Variants in TBC1D30 observed in about 807,000 individuals in gnomAD.
TBC1D30 encodes TBC1 domain family, member 30.
A neutral mutation model predicts 63.2 loss-of-function variants in TBC1D30; 31 were observed. The observed-to-expected ratio is 0.49, with a 90% CI of 0.37 to 0.66. The LOEUF is 0.66. Among genes scored for constraint, TBC1D30 ranks in the 30% least tolerant of loss-of-function variants. The pLI is 0.00. For synonymous variants in TBC1D30, 307 were observed against 361.5 expected, an observed-to-expected ratio of 0.85 and a Z score of 1.71; for missense variants, 810 against 953.6, an observed-to-expected ratio of 0.85 and a Z score of 1.98.
intron 2 of TBC1D30, among the ~76,000 whole-genome samples, chr12:64,814,431 T>A (rs1398036723): frequency 2.0e-5 from 3 of 152,028 alleles, no homozygotes; most frequent in Non-Finnish European, 2.9e-5. Context: ...TAAAAAAAAA[T>A]TTACTGGGAG....
At chr12:64,775,960 A>C (rs1871066862), upstream of TBC1D30, among the ~76,000 whole-genome samples, 2 of 151,332 alleles carry the variant, frequency 1.3e-5, no homozygotes, top group Non-Finnish European at 2.9e-5. Context: ...TTAGAACTCA[A>C]GATTAGGAAA....
At chr12:64,868,124 A>G in intron 10 of TBC1D30, 1 of 170,822 alleles carries the variant, frequency 5.9e-6, no homozygotes, top group East Asian at 1.6e-4. Flanking sequence ...TATAGATCTC[A>G]TGAATCAGAT....
chr12:64,874,436 C>A (rs965572261), intron 11 of TBC1D30, among the ~76,000 whole-genome samples: 1 of 152,134 alleles, frequency 6.6e-6, no homozygotes, highest in Non-Finnish European at 1.5e-5. Context: ...CTTTCGAAGT[C>A]CATTGAGGAC....
chr12:64,835,489 C>A (rs1405970641), intron 5 of TBC1D30, among the ~76,000 whole-genome samples: 1 of 151,990 alleles, frequency 6.6e-6, no homozygotes, highest in African/African-American at 2.4e-5. Context: ...ATATATAGAA[C>A]CAGTTATGAT....
At chr12:64,860,532 A>T (rs1429606519) in intron 8 of TBC1D30, among the ~76,000 whole-genome samples, 1 of 151,950 alleles carries the variant, frequency 6.6e-6, no homozygotes, top group South Asian at 2.1e-4. Flanking sequence ...CATCTAGCCT[A>T]GTGTGAATAA....
rs1388172611 is a variant in TBC1D30 at position 64,876,666 on chromosome 12, C to G, written c.*878C>G. On this transcript the variant is annotated 3_prime_UTR_variant, in exon 12 of 12. Coordinates refer to ENST00000539867, the MANE Select transcript of TBC1D30 (RefSeq NM_015279.2). ...ACCCACCAGCTCTAGACTGCAGACG[C>G]ACAAGGCCTCTGCTCAGAAGCCAGA... The G allele has an allele frequency of 1.7e-5, 7 of 407,018 alleles. No homozygotes were observed. The highest frequency in any genetic ancestry group is 1.0e-4 in the Admixed American group (4 of 38,942). 25.2% of individuals were successfully genotyped at this position (407,018 alleles called of 1,614,324 possible). A position where few individuals can be genotyped will look rare whatever the true frequency, so the allele number is the denominator to read the frequency against.
chr12:64,804,936 C>A (rs1259733454), intron 2 of TBC1D30, among the ~76,000 whole-genome samples: 1 of 152,166 alleles, frequency 6.6e-6, no homozygotes, highest in African/African-American at 2.4e-5. Context: ...ATGCGTGGCT[C>A]ACACCTGTAA....
chr12:64,873,189 G>A (rs561402650), intron 11 of TBC1D30, among the ~76,000 whole-genome samples: 1 of 152,280 alleles, frequency 6.6e-6, no homozygotes, highest in African/African-American at 2.4e-5. Flanking sequence ...CCGAAGTTAG[G>A]GAGGATGGGA....
At chr12:64,812,152 T>C (rs539220048) in intron 2 of TBC1D30, among the ~76,000 whole-genome samples, 1 of 152,338 alleles carries the variant, frequency 6.6e-6, no homozygotes, top group South Asian at 2.1e-4. Flanking sequence ...CTACCTAGAA[T>C]TATCTACTTA....
chr12:64,872,663 G>A (rs1286788148), intron 11 of TBC1D30, among the ~76,000 whole-genome samples: 5 of 152,172 alleles, frequency 3.3e-5, no homozygotes, highest in Non-Finnish European at 7.3e-5. Flanking sequence ...CTGCTGCATG[G>A]GGACTGTATT....
chr12:64,785,810 A>G, intron 1 of TBC1D30: 1 of 1,174,438 alleles, frequency 8.5e-7, no homozygotes, highest in South Asian at 1.3e-5. Flanking sequence ...TTATCTTTGG[A>G]CTAATATCAC....
Position 64,854,784 on chromosome 12 carries a change from C to T in TBC1D30, c.1039-9884C>T, listed in dbSNP as rs529564682. Among the ~76,000 whole-genome samples, 93 of 152,256 alleles carry T rather than the reference C, an allele frequency of 6.1e-4. 1 individual carries two copies. Among genetic ancestry groups the T allele is most frequent in the African/African-American group, 2.1e-3 (89 of 41,558 alleles). On this transcript the variant is annotated intron_variant, in intron 8 of 11. Coordinates refer to ENST00000539867, the MANE Select transcript of TBC1D30 (RefSeq NM_015279.2). ...TGCTGGGATTACAGGTGTGAGCCAC[C>T]GCGCCTGGCCATCATTTAGTCTTTC...
intron 2 of TBC1D30, among the ~76,000 whole-genome samples, chr12:64,810,653 T>G (rs1417744540): frequency 6.6e-6 from 1 of 151,714 alleles, no homozygotes; most frequent in Non-Finnish European, 1.5e-5. Flanking sequence ...ACTGACCTAA[T>G]GCTATGTAAC....
chr12:64,845,864 T>C (rs1876331750), intron 8 of TBC1D30, among the ~76,000 whole-genome samples: 1 of 152,218 alleles, frequency 6.6e-6, no homozygotes, highest in Non-Finnish European at 1.5e-5. Flanking sequence ...TTCGCCATAT[T>C]GGCCAGGCTG....
At position 64,860,976 on chromosome 12, in the gene TBC1D30, G is replaced by A. The variant is rs1056847720; in HGVS notation, c.1039-3692G>A. On this transcript the variant is annotated intron_variant, in intron 8 of 11. Transcript: ENST00000539867. The stretch of plus-strand genomic sequence containing the variant: ...TCATTTCGCTTACAGTTTAAACGTT[G>A]CCAGAAGGAATGAGATGTGTTGGAT... Among the ~76,000 whole-genome samples the A allele has an allele frequency of 1.4e-4, 21 of 152,220 alleles. 1 individual carries two copies. Among genetic ancestry groups the A allele is most frequent in the African/African-American group, 5.1e-4 (21 of 41,464 alleles).
chr12:64,808,513 G>A (rs1365157119), intron 2 of TBC1D30, among the ~76,000 whole-genome samples: 1 of 152,184 alleles, frequency 6.6e-6, no homozygotes, highest in African/African-American at 2.4e-5. Context: ...CCATAAGAGA[G>A]ACATACTGAA....
intron 2 of TBC1D30, among the ~76,000 whole-genome samples, chr12:64,802,775 C>T (rs1192983673): frequency 2.0e-5 from 3 of 152,064 alleles, no homozygotes; most frequent in African/African-American, 7.2e-5. Flanking sequence ...TGATAGTTTG[C>T]TGAGAATGAT....
upstream of TBC1D30, among the ~76,000 whole-genome samples, chr12:64,822,223 C>T (rs751487014): frequency 1.3e-5 from 2 of 152,124 alleles, no homozygotes; most frequent in Non-Finnish European, 2.9e-5. Context: ...GCTCTCTCAC[C>T]CAGGCTGGAG....
At chr12:64,815,178 A>C (rs1459245263) in intron 2 of TBC1D30, among the ~76,000 whole-genome samples, 1 of 152,192 alleles carries the variant, frequency 6.6e-6, no homozygotes, top group African/African-American at 2.4e-5. Context: ...AATTCTGTTA[A>C]ATGTTCCTTT....
Sources: gnomAD v4.1 joint callset for allele counts (sites outside exome capture counted in the v4.1 genomes callset) on GRCh38, gnomAD v4.1.1 for gene constraint, MANE v1.5 for transcripts, NCBI Gene and HGNC (gene_info 2026-07-23, HGNC 2026-07-21) for gene names.